Variants in RPA3 observed in about 807,000 individuals in gnomAD.
The protein encoded by RPA3 is replication protein A 14 kDa subunit.
In RPA3, 24 loss-of-function variants were observed where a neutral mutation model predicts 13.7. The ratio of observed to expected loss-of-function variants is 1.75; its 90% CI spans 1.27 to 2.46. The LOEUF is 2.46. Among genes scored for constraint, RPA3 ranks in the 30% most tolerant of loss-of-function variants. The pLI, the probability that RPA3 is intolerant of heterozygous loss-of-function variation, is 0.00. For missense variants in RPA3, 183 were observed against 151.0 expected, an observed-to-expected ratio of 1.21 and a Z score of -1.11; for synonymous variants, 59 against 51.2, an observed-to-expected ratio of 1.15 and a Z score of -0.65.
chr7:7,697,438 C>G (rs1780348238), intron 2 of RPA3, among the ~76,000 whole-genome samples: 1 of 152,090 alleles, frequency 6.6e-6, no homozygotes, highest in African/African-American at 2.4e-5. Flanking sequence ...TTTCTTAAAA[C>G]AGGTATCTTA....
intron 1 of RPA3, among the ~76,000 whole-genome samples, chr7:7,716,804 G>A (rs1288622272): frequency 6.6e-6 from 1 of 152,146 alleles, no homozygotes; most frequent in Non-Finnish European, 1.5e-5. Flanking sequence ...AAATTAGGCG[G>A]GCATGGTGGC....
At chr7:7,668,986 GGGAAGAAACT>G (rs1779538262) in intron 4 of RPA3, among the ~76,000 whole-genome samples, 1 of 152,078 alleles carries the variant, frequency 6.6e-6, no homozygotes, top group African/African-American at 2.4e-5. Flanking sequence ...TTTGGGATGT[GGGAAGAAACT>G]GGAGTACTGG....
Position 7,640,678 on chromosome 7 carries a change from A to G in RPA3, c.-260T>C. On this transcript the variant is annotated 5_prime_UTR_variant, in exon 5 of 8. Transcript: ENST00000223129. ...CGGAAGTTGACAGATACAGGGCGAG[A>G]GGCAGTGGAGGCGGGACTTGGATAG... 2.1e-6 allele frequency: 1 copy of G among 472,296 alleles called. No individual in the cohort carries two copies. The highest frequency in any genetic ancestry group is 2.6e-5 in the South Asian group (1 of 38,564). 29.3% of individuals were successfully genotyped at this position (472,296 alleles called of 1,614,324 possible).
chr7:7,643,256 G>C (rs1785015869), intron 4 of RPA3, among the ~76,000 whole-genome samples: 1 of 152,200 alleles, frequency 6.6e-6, no homozygotes, highest in Non-Finnish European at 1.5e-5. Flanking sequence ...AAATGGTAAA[G>C]TATGATCTTC....
In RPA3 at chr7:7,640,319, C is replaced by A; in HGVS notation, c.99+1G>T. 2 of 1,614,006 alleles carry A rather than the reference C, an allele frequency of 1.2e-6. No homozygotes were observed. The highest frequency in any genetic ancestry group is 1.7e-6 in the Non-Finnish European group (2 of 1,179,934). On this transcript the variant is annotated splice_donor_variant, in intron 5 of 7. Coordinates refer to ENST00000223129, the MANE Select transcript of RPA3 (RefSeq NM_002947.5). LOFTEE classifies it high-confidence loss of function. ...GAGCCCATGATTGCGAACCCGCACA[C>A]CTTTTCCAGCCTCCCTACGAAGCAG...
chr7:7,643,429 G>T (rs527259603), intron 4 of RPA3, among the ~76,000 whole-genome samples: 1 of 152,324 alleles, frequency 6.6e-6, no homozygotes, highest in South Asian at 2.1e-4. Flanking sequence ...CTAGGATCAG[G>T]GCCGGGCGCG....
chr7:7,646,177 C>T (rs62451449), intron 4 of RPA3, among the ~76,000 whole-genome samples: 10,450 of 152,210 alleles, frequency 0.069, 474 homozygotes, highest in Middle Eastern at 0.12. Flanking sequence ...TTCCCACACC[C>T]AGTGCATCCT....
Position 7,640,426 on chromosome 7 carries a change from G to C in RPA3, c.-8C>G. Reference sequence around the variant, plus strand: ...GTCCATCATGTCCACCATGATTATGGTCCAAGACTGCGGCTGGCGGGAAAC... The same window carrying C: ...GTCCATCATGTCCACCATGATTATGCTCCAAGACTGCGGCTGGCGGGAAAC... On this transcript the variant is annotated 5_prime_UTR_variant, in exon 5 of 8. Transcript: ENST00000223129. 6.2e-7 allele frequency: 1 copy of C among 1,613,138 alleles called. No individual in the cohort carries two copies. The highest frequency in any genetic ancestry group is 8.5e-7 in the Non-Finnish European group (1 of 1,179,446).
At chr7:7,661,105 C>T (rs545113950) in intron 4 of RPA3, among the ~76,000 whole-genome samples, 9 of 151,900 alleles carry the variant, frequency 5.9e-5, no homozygotes, top group Non-Finnish European at 1.2e-4. Flanking sequence ...TTGATTGATT[C>T]GGCTATTGAT....
At chr7:7,697,925 A>G (rs578013417) in intron 2 of RPA3, among the ~76,000 whole-genome samples, 1 of 152,218 alleles carries the variant, frequency 6.6e-6, no homozygotes, top group East Asian at 1.9e-4. Flanking sequence ...CCCTCAGCTC[A>G]CCTTCATGAG....
intron 1 of RPA3, among the ~76,000 whole-genome samples, chr7:7,717,350 C>T (rs1258263383): frequency 6.6e-6 from 1 of 152,170 alleles, no homozygotes; most frequent in East Asian, 1.9e-4. Context: ...AGCCACCTCG[C>T]CCAGCCTCCT....
At chr7:7,672,101 C>T (rs12702634) in intron 4 of RPA3, among the ~76,000 whole-genome samples, 1 of 152,064 alleles carries the variant, frequency 6.6e-6, no homozygotes, top group African/African-American at 2.4e-5. Flanking sequence ...CTTTCACTCA[C>T]ATTAAATCCT....
chr7:7,672,137 A>G (rs966302711), intron 4 of RPA3, among the ~76,000 whole-genome samples: 2 of 152,152 alleles, frequency 1.3e-5, no homozygotes, highest in Non-Finnish European at 2.9e-5. Context: ...GTTTTCTGCT[A>G]TGGGTGAAAT....
intron 7 of RPA3, among the ~76,000 whole-genome samples, 175 bp downstream of exon 7, chr7:7,637,689 C>T (rs1440869765): frequency 2.7e-5 from 4 of 146,200 alleles, no homozygotes; most frequent in African/African-American, 1.1e-4. Flanking sequence ...TATGTAATTA[C>T]ATACAGTTAT....
intron 4 of RPA3, among the ~76,000 whole-genome samples, chr7:7,669,437 G>A (rs1015864845): frequency 1.1e-4 from 16 of 152,124 alleles, no homozygotes; most frequent in Non-Finnish European, 1.3e-4. Context: ...TGTAGGTTAC[G>A]TTTTTATACC....
intron 4 of RPA3, among the ~76,000 whole-genome samples, chr7:7,678,334 T>G (rs1322266324): frequency 1.3e-5 from 2 of 150,556 alleles, no homozygotes. Flanking sequence ...TCTCTGATGA[T>G]CAACAATATT....
At chr7:7,681,044 TTG>T (rs1563116743) in intron 4 of RPA3, among the ~76,000 whole-genome samples, 1 of 152,114 alleles carries the variant, frequency 6.6e-6, no homozygotes. Flanking sequence ...TTTTGTTGGT[TTG>T]TGTGTTTGTT....
At chr7:7,641,498 C>G (rs1784973533) in intron 4 of RPA3, 1 of 152,188 alleles carries the variant, frequency 6.6e-6, no homozygotes, top group Non-Finnish European at 1.5e-5. Context: ...ATGTTTGACT[C>G]AACAGTTTAA....
chr7:7,664,577 C>G (rs1172191769), intron 4 of RPA3, among the ~76,000 whole-genome samples: 1 of 152,200 alleles, frequency 6.6e-6, no homozygotes, highest in East Asian at 1.9e-4. Flanking sequence ...TTGCTTTCCT[C>G]TATACCCACT....
Sources: allele counts gnomAD v4.1 joint callset (sites outside exome capture counted in the v4.1 genomes callset), GRCh38; gene constraint gnomAD v4.1.1; transcripts MANE v1.5; gene names NCBI Gene and HGNC (gene_info 2026-07-23, HGNC 2026-07-21).